SLC25A13: variants seen among roughly 807,000 people sequenced by gnomAD.
The protein encoded by SLC25A13 is electrogenic aspartate/glutamate antiporter SLC25A13, mitochondrial.
In SLC25A13, 70 loss-of-function variants were observed where a neutral mutation model predicts 85.5. The observed-to-expected ratio is 0.82, with a 90% CI of 0.68 to 1.00. SLC25A13 has a LOEUF of 1.00. Among genes scored for constraint, SLC25A13 ranks in the 50% least tolerant of loss-of-function variants. SLC25A13 has a pLI of 0.00. For missense variants in SLC25A13, 765 were observed against 819.8 expected (o/e 0.93, Z 0.82); for synonymous variants, 259 against 288.7 (o/e 0.90, Z 1.04).
intron 3 of SLC25A13, among the ~76,000 whole-genome samples, chr7:96,274,334 C>T (rs367875581): frequency 1.2e-4 from 19 of 152,138 alleles, no homozygotes; most frequent in East Asian, 3.9e-4. Context: ...TCATATCCTT[C>T]GCCCACTTGT....
At chr7:96,292,700 T>A (rs1799173962) in intron 2 of SLC25A13, among the ~76,000 whole-genome samples, 1 of 152,034 alleles carries the variant, frequency 6.6e-6, no homozygotes, top group African/African-American at 2.4e-5. Flanking sequence ...GAAAATAAAA[T>A]ACCTAGGAAT....
In SLC25A13 at chr7:96,277,341, G is replaced by C; in HGVS notation, c.70-3C>G. 15 of 1,609,284 alleles carry C rather than the reference G, an allele frequency of 9.3e-6. No homozygotes were observed. Among genetic ancestry groups the C allele is most frequent in the Non-Finnish European group, 1.3e-5 (15 of 1,177,596 alleles). ...CCGTTTTTCTCAATGCTTGCATACT[G>C]TTTAAAAAAAAGAAAAACAGTATTT... On this transcript the variant is annotated splice_region_variant and splice_polypyrimidine_tract_variant and intron_variant, in intron 2 of 17. Transcript: ENST00000265631.
At chr7:96,221,961 G>A (rs560072466) in intron 4 of SLC25A13, among the ~76,000 whole-genome samples, 3 of 152,312 alleles carry the variant, frequency 2.0e-5, no homozygotes, top group South Asian at 2.1e-4. Context: ...AAATCGCCCC[G>A]GTTCTGTGGG....
intron 2 of SLC25A13, among the ~76,000 whole-genome samples, chr7:96,287,014 C>A (rs1332126440): frequency 1.3e-5 from 2 of 152,174 alleles, no homozygotes; most frequent in Admixed American, 1.3e-4. Flanking sequence ...GGAATTTTTA[C>A]TAGGAAGAAA....
chr7:96,187,180 G>C (rs957829940), intron 9 of SLC25A13, among the ~76,000 whole-genome samples: 1 of 152,172 alleles, frequency 6.6e-6, no homozygotes, highest in Non-Finnish European at 1.5e-5. Flanking sequence ...GTGACATATA[G>C]TCAGTGCTTA....
At chr7:96,156,460 C>A (rs1288195237) in intron 13 of SLC25A13, among the ~76,000 whole-genome samples, 3 of 150,208 alleles carry the variant, frequency 2.0e-5, no homozygotes, top group African/African-American at 7.4e-5. Context: ...CCATGCCCAG[C>A]CAATTTTTTG....
At chr7:96,302,469 A>C (rs115774199) in intron 1 of SLC25A13, among the ~76,000 whole-genome samples, 2,213 of 152,276 alleles carry the variant, frequency 0.015, 26 homozygotes, top group African/African-American at 0.035. Context: ...GATCTAAGAG[A>C]GGATGGTGGG....
chr7:96,170,049 C>A lies in SLC25A13; in HGVS notation c.1307G>T (p.Gly436Val). 1 of 1,614,098 alleles carries A rather than the reference C, an allele frequency of 6.2e-7. No individual in the cohort carries two copies. ...VPLAAEILAG[G>V]CAGGSQVIFT... ...AGAGCTTCAAAAGGTACTTACGCAG[C>A]CTCCAGCAAGAATTTCTGCTGCAAG... is the stretch of plus-strand genomic sequence containing the variant. The change falls in exon 13 of 18, where the codon GGC becomes GTC. Residue 436 changes from glycine to valine, a missense_variant. Coordinates refer to ENST00000265631, the MANE Select transcript of SLC25A13 (RefSeq NM_014251.3).
rs59863233 is a variant in SLC25A13, at chr7:96,140,397, C to CTT, written c.1452+6157_1452+6158dup. Among the ~76,000 whole-genome samples, 856 of 88,142 alleles carry CTT rather than the reference C, an allele frequency of 9.7e-3. 6 individuals carry two copies. Among genetic ancestry groups the CTT allele is most frequent in the Non-Finnish European group, 0.013 (631 of 49,512 alleles). 57.8% of individuals were successfully genotyped at this position (88,142 alleles called of 152,430 possible). A position where few individuals can be genotyped will look rare whatever the true frequency, so the allele number is the denominator to read the frequency against. On this transcript the variant is annotated intron_variant, in intron 14 of 17. Coordinates refer to ENST00000265631, the MANE Select transcript of SLC25A13 (RefSeq NM_014251.3). ...TTACATTTCTACCACCAAGGATCTC[C>CTT]TTTTTTTTTTTTTTTTTTTTTTTTT... is the stretch of plus-strand genomic sequence containing the variant.
intron 4 of SLC25A13, among the ~76,000 whole-genome samples, chr7:96,217,901 G>GAAA (rs373871911): frequency 0.029 from 2,775 of 96,112 alleles, 92 homozygotes; most frequent in African/African-American, 0.074. Flanking sequence ...AGCTTTCTCT[G>GAAA]AAAAAAAAAA....
chr7:96,157,537 C>T (rs1793330737), intron 13 of SLC25A13, among the ~76,000 whole-genome samples: 1 of 152,158 alleles, frequency 6.6e-6, no homozygotes. Context: ...GGTGCCGTGG[C>T]TCACACCTGT....
intron 5 of SLC25A13, 141 bp from the exon 6 acceptor site, chr7:96,193,324 C>A: frequency 2.0e-6 from 2 of 978,232 alleles, no homozygotes; most frequent in South Asian, 1.5e-5. Context: ...AATAGCACCA[C>A]CAAGCTACTG....
At position 96,185,007 on chromosome 7, in the gene SLC25A13, G is replaced by A. The variant is rs755469215; in HGVS notation, c.938C>T (p.Ala313Val). The A allele has an allele frequency of 4.3e-6, 7 of 1,613,554 alleles. No individual in the cohort carries two copies. The change falls in exon 10 of 18, where the codon GCC becomes GTC. Residue 313 changes from alanine (A) to valine (V), a missense_variant. Coordinates refer to ENST00000265631, the MANE Select transcript of SLC25A13 (RefSeq NM_014251.3). ...FNLAEAQRQK[A>V]SGDSARPVLL... is the part of the protein sequence containing the mutation. ...AACTGGTCGAGCTGAATCACCTGAG[G>A]CCTTCTGCTTTGCATGCACAGGAAT...
chr7:96,270,276 C>T (rs563182397), intron 3 of SLC25A13, among the ~76,000 whole-genome samples: 1 of 152,250 alleles, frequency 6.6e-6, no homozygotes, highest in African/African-American at 2.4e-5. Context: ...ATAGCTGGGG[C>T]TGAGTGCGGT....
chr7:96,178,010 C>T (rs936501906), intron 11 of SLC25A13, among the ~76,000 whole-genome samples: 3 of 152,180 alleles, frequency 2.0e-5, no homozygotes, highest in Non-Finnish European at 4.4e-5. Context: ...GGGTCAGCAC[C>T]CTGCCCTGCC....
chr7:96,212,426 T>C (rs1428398444), intron 4 of SLC25A13, among the ~76,000 whole-genome samples: 1 of 152,124 alleles, frequency 6.6e-6, no homozygotes, highest in East Asian at 1.9e-4. Context: ...ATTCAAACAG[T>C]ACACTGTATC....
chr7:96,213,889 C>T (rs565562477), intron 4 of SLC25A13, among the ~76,000 whole-genome samples: 15 of 152,234 alleles, frequency 9.9e-5, no homozygotes, highest in Admixed American at 4.6e-4. Context: ...TTAGTTCAGC[C>T]ACTCCTCCTA....
chr7:96,151,825 A>G (rs964014567), intron 13 of SLC25A13, among the ~76,000 whole-genome samples: 25 of 151,554 alleles, frequency 1.6e-4, no homozygotes, highest in African/African-American at 5.1e-4. Flanking sequence ...GGTGCCTGTA[A>G]TCCCAGCTAC....
chr7:96,219,837 TCAA>T (rs1215593131), intron 4 of SLC25A13: 87 of 453,148 alleles, frequency 1.9e-4, no homozygotes, highest in Non-Finnish European at 2.4e-4. Flanking sequence ...TGACTGTGAG[TCAA>T]CAACAACAAC....
Sources: gnomAD v4.1 joint callset for allele counts (sites outside exome capture counted in the v4.1 genomes callset) on GRCh38, gnomAD v4.1.1 for gene constraint, MANE v1.5 for transcripts, NCBI Gene and HGNC (gene_info 2026-07-23, HGNC 2026-07-21) for gene names.